The following RYR2 variants were observed in gnomAD, a reference collection of about 807,000 sequenced individuals.
The protein encoded by RYR2 is cardiac muscle ryanodine receptor-calcium release channel.
In RYR2, 227 loss-of-function variants were observed where a neutral mutation model predicts 601.1. That is an observed-to-expected ratio of 0.38 (90% CI 0.34 to 0.42). RYR2 has a LOEUF of 0.42. Among genes scored for constraint, RYR2 ranks in the 10% least tolerant of loss-of-function variants. RYR2 has a pLI of 1.00. For missense variants in RYR2, 4,646 were observed against 6,156.5 expected (o/e 0.75, Z 8.21); for synonymous variants, 2,223 against 2,175.1 (o/e 1.02, Z -0.61).
chr1:237,135,931 G>A (rs1273449920), intron 1 of RYR2, among the ~76,000 whole-genome samples: 1 of 152,220 alleles, frequency 6.6e-6, no homozygotes, highest in Non-Finnish European at 1.5e-5. Flanking sequence ...GCTTGGCCAT[G>A]GGGCCCCTGG....
intron 98 of RYR2, among the ~76,000 whole-genome samples, chr1:237,803,079 T>G (rs1365122171): frequency 6.6e-6 from 1 of 152,220 alleles, no homozygotes; most frequent in Admixed American, 6.5e-5. Flanking sequence ...GAATTCCTAG[T>G]TAAATGTAAA....
intron 29 of RYR2, among the ~76,000 whole-genome samples, chr1:237,571,367 T>C (rs1672676028): frequency 6.7e-6 from 1 of 149,658 alleles, no homozygotes; most frequent in African/African-American, 2.5e-5. Flanking sequence ...CAGGCTGGAG[T>C]GCAATGGCGC....
chr1:237,611,514 TATA>T (rs1338659940), intron 36 of RYR2, among the ~76,000 whole-genome samples: 1 of 152,204 alleles, frequency 6.6e-6, no homozygotes, highest in Non-Finnish European at 1.5e-5. Flanking sequence ...TAACATAAAG[TATA>T]ATAAGTACTC....
At chr1:237,633,762 C>A in intron 43 of RYR2, 52 bp downstream of exon 43, 2 of 1,513,056 alleles carry the variant, frequency 1.3e-6, no homozygotes, top group South Asian at 1.3e-5. Context: ...TATAATATTA[C>A]ATTTAAAAAG....
intron 25 of RYR2, among the ~76,000 whole-genome samples, chr1:237,537,079 C>T (rs1264409710): frequency 6.6e-6 from 1 of 152,164 alleles, no homozygotes; most frequent in East Asian, 1.9e-4. Context: ...AAAGCTATTT[C>T]ACCCCCACCA....
Position 237,674,864 on chromosome 1 carries a change from A to G in RYR2, c.8830+18A>G. On this transcript the variant is annotated intron_variant, in intron 60 of 104. Transcript: ENST00000366574. ...GGAGTTTGGTAGGTACCATAGTCCC[A>G]TTGCTAATAGCCCAGTGTTTGTTGT... The G allele has an allele frequency of 7.5e-7, 1 of 1,325,184 alleles. No homozygotes were observed. 82.1% of individuals were successfully genotyped at this position (1,325,184 alleles called of 1,614,324 possible). A position where few individuals can be genotyped will look rare whatever the true frequency, so the allele number is the denominator to read the frequency against.
chr1:237,655,450 CATT>C (rs1427100246), intron 52 of RYR2, among the ~76,000 whole-genome samples: 1 of 151,994 alleles, frequency 6.6e-6, no homozygotes, highest in African/African-American at 2.4e-5. Flanking sequence ...TATATGTAGT[CATT>C]ATAATGTACA....
chr1:237,310,064 T>C (rs1694376643), intron 2 of RYR2, among the ~76,000 whole-genome samples: 1 of 152,168 alleles, frequency 6.6e-6, no homozygotes, highest in South Asian at 2.1e-4. Flanking sequence ...GCTCCCACAG[T>C]GCAGCAGCAG....
At position 237,496,514 on chromosome 1, in the gene RYR2, G is replaced by A; in HGVS notation, c.1965G>A (p.Met655Ile). ...TGTGATTCCCGTCTCTTTAAAGCAT[G>A]AGACCCAATATTTTTCTGGGCGTCA... ...QTRLVNHVSS[M>I]RPNIFLGVSE... Residue 655 changes from methionine to isoleucine, a missense_variant, in exon 20 of 105, where the codon ATG (methionine) becomes ATA (isoleucine). By Grantham distance (10) the Met-to-Ile change is conservative. This residue lies in a region of RYR2 where 1,807 missense variants were observed against 2,088.1 expected (regional missense o/e 0.87). Coordinates refer to ENST00000366574, the MANE Select transcript of RYR2 (RefSeq NM_001035.3). 1 of 1,613,666 alleles carries A rather than the reference G, an allele frequency of 6.2e-7. No homozygotes were observed. Among genetic ancestry groups the A allele is most frequent in the Non-Finnish European group, 8.5e-7 (1 of 1,179,616 alleles).
intron 34 of RYR2, among the ~76,000 whole-genome samples, chr1:237,598,242 A>C (rs1676098886): frequency 6.6e-6 from 1 of 152,218 alleles, no homozygotes; most frequent in African/African-American, 2.4e-5. Flanking sequence ...ACTTTCAACA[A>C]CAGCAGATAA....
intron 2 of RYR2, among the ~76,000 whole-genome samples, chr1:237,313,986 T>C (rs1402804152): frequency 8.0e-6 from 1 of 125,420 alleles, no homozygotes; most frequent in Non-Finnish European, 1.7e-5. Context: ...AAAGATTACA[T>C]GAATAACGTA....
At chr1:237,394,193 C>A (rs981436113) in intron 10 of RYR2, among the ~76,000 whole-genome samples, 1 of 152,042 alleles carries the variant, frequency 6.6e-6, no homozygotes, top group African/African-American at 2.4e-5. Context: ...TTTCCAGATG[C>A]CTTTATGGTT....
intron 63 of RYR2, among the ~76,000 whole-genome samples, chr1:237,694,012 T>C (rs535707871): frequency 4.6e-5 from 7 of 152,222 alleles, no homozygotes; most frequent in African/African-American, 1.4e-4. Context: ...AAAGAAAAAT[T>C]GGCCGGGTGC....
chr1:237,346,187 G>A (rs1372671552), intron 3 of RYR2, among the ~76,000 whole-genome samples: 4 of 151,932 alleles, frequency 2.6e-5, no homozygotes, highest in South Asian at 2.1e-4. Flanking sequence ...GCAACATGGC[G>A]AGACTCTGTC....
chr1:237,500,901 A>G lies in RYR2; in HGVS notation c.2394A>G (p.Ile798Met), dbSNP rs192876953. The G allele has an allele frequency of 3.1e-6, 5 of 1,613,880 alleles. No homozygotes were observed. The East Asian group carries it at 8.9e-5, about 29-fold the overall frequency. The change falls in exon 21 of 105, where the codon ATA becomes ATG. Residue 798 changes from isoleucine to methionine, a missense_variant and splice_region_variant. By Grantham distance (10) the Ile-to-Met change is conservative (BLOSUM62 1). Coordinates refer to ENST00000366574, the MANE Select transcript of RYR2 (RefSeq NM_001035.3). ...CAGTCGTTAGTTTCTCTGCAGGAAT[A>G]AAGTTAGTATGTCTATGTTTTTTGG... ...FFPVVSFSAG[I>M]KVRFLLGGRH...
chr1:237,645,875 T>C (rs112581211), intron 48 of RYR2, among the ~76,000 whole-genome samples: 424 of 151,822 alleles, frequency 2.8e-3, no homozygotes, highest in African/African-American at 9.8e-3. Context: ...CTGCTTTTTT[T>C]TTTTTGCTTT....
chr1:237,690,158 T>C (rs1443102287), intron 63 of RYR2, among the ~76,000 whole-genome samples: 1 of 152,162 alleles, frequency 6.6e-6, no homozygotes, highest in Non-Finnish European at 1.5e-5. Context: ...GTCTTAAGCA[T>C]TTAAGCTTCA....
chr1:237,472,174 G>T (rs1244083794), intron 17 of RYR2, among the ~76,000 whole-genome samples: 1 of 152,218 alleles, frequency 6.6e-6, no homozygotes, highest in East Asian at 1.9e-4. Context: ...AGATGCACAT[G>T]TGTATGTATA....
In RYR2 at chr1:237,330,876, A is replaced by C. The variant is rs1696639875; in HGVS notation, c.169-2A>C. On this transcript the variant is annotated splice_acceptor_variant, in intron 2 of 104. Transcript: ENST00000366574. LOFTEE classifies it high-confidence loss of function. ...CTGACTGCTCTTCCTCTTTCTGTGC[A>C]GAATGTGCCCCCAGACCTCTCCATC... 1 of 1,613,442 alleles carries C rather than the reference A, an allele frequency of 6.2e-7. No homozygotes were observed.
Sources: gnomAD v4.1 joint callset for allele counts (sites outside exome capture counted in the v4.1 genomes callset) on GRCh38, gnomAD v4.1.1 for gene constraint, gnomAD v4.1.1 regional missense constraint, MANE v1.5 for transcripts, NCBI Gene and HGNC (gene_info 2026-07-23, HGNC 2026-07-21) for gene names.